Variants in MCPH1 observed in about 807,000 individuals in gnomAD.
MCPH1 encodes microcephalin.
Under a neutral mutation model 84.5 loss-of-function variants are expected in MCPH1, and 104 were observed. The ratio of observed to expected loss-of-function variants is 1.23; its 90% CI spans 1.05 to 1.45. The LOEUF (loss-of-function observed/expected upper bound fraction) is 1.45. Among genes scored for constraint, MCPH1 ranks in the 40% most tolerant of loss-of-function variants. The pLI, the probability that MCPH1 is intolerant of heterozygous loss-of-function variation, is 0.00. For synonymous variants in MCPH1, 514 were observed against 366.8 expected (o/e 1.40, Z -4.58); for missense variants, 1,498 against 1,005.7 (o/e 1.49, Z -6.62).
chr8:6,647,540 CA>C lies in MCPH1; in HGVS notation c.*4495del, dbSNP rs761493524. On this transcript the variant is annotated 3_prime_UTR_variant, in exon 14 of 14. Coordinates refer to ENST00000344683, the MANE Select transcript of MCPH1 (RefSeq NM_024596.5). ...GCCCATCAACTGAAAAGTAGATAAA[CA>C]AAATGTATATCCACACCATGGAACG... 1.3e-5 allele frequency: 2 copies of C among 152,128 alleles called. No individual in the cohort carries two copies. Among genetic ancestry groups the C allele is most frequent in the Non-Finnish European group, 2.9e-5 (2 of 68,016 alleles). The allele number at this position is 152,128 out of a possible 1,614,324, so 9.4% of individuals were successfully genotyped here. A position where few individuals can be genotyped will look rare whatever the true frequency, so the allele number is the denominator to read the frequency against.
At chr8:6,419,185 ACACGC>A (rs777272681) in intron 3 of MCPH1, among the ~76,000 whole-genome samples, 16,139 of 48,924 alleles carry the variant, frequency 0.33, 1,044 homozygotes, top group Non-Finnish European at 0.47. Flanking sequence ...ACACACACAC[ACACGC>A]ATTTTTACCC....
chr8:6,625,927 C>A (rs1256834968), intron 13 of MCPH1: 3 of 984,694 alleles, frequency 3.0e-6, no homozygotes, highest in Non-Finnish European at 3.6e-6. Flanking sequence ...TGAGAAGTTT[C>A]TTTTCTTTTC....
chr8:6,549,889 GA>G (rs1330680813), intron 12 of MCPH1, among the ~76,000 whole-genome samples: 1 of 152,192 alleles, frequency 6.6e-6, no homozygotes, highest in Non-Finnish European at 1.5e-5. Context: ...AAAAAGAAAA[GA>G]AAAGAAAAAG....
intron 2 of MCPH1, among the ~76,000 whole-genome samples, chr8:6,410,263 C>T (rs1318011311): frequency 2.0e-5 from 3 of 152,042 alleles, no homozygotes; most frequent in Admixed American, 6.5e-5. Flanking sequence ...CATGAGCCAC[C>T]GAGCCCGGCC....
At chr8:6,466,641 C>T (rs1000065761) in intron 9 of MCPH1, among the ~76,000 whole-genome samples, 6 of 151,558 alleles carry the variant, frequency 4.0e-5, no homozygotes, top group African/African-American at 1.5e-4. Context: ...AGGGTTTCAC[C>T]GTGTTGGCCA....
At chr8:6,503,128 G>T in intron 12 of MCPH1, 1 of 1,614,188 alleles carries the variant, frequency 6.2e-7, no homozygotes. Flanking sequence ...GGATCATCAT[G>T]GTTGTGGCCT....
intron 9 of MCPH1, among the ~76,000 whole-genome samples, chr8:6,460,005 A>G (rs909334043): frequency 3.9e-5 from 6 of 152,174 alleles, no homozygotes; most frequent in Admixed American, 1.3e-4. Flanking sequence ...GACTGCTCTC[A>G]TCTTTGGTTT....
intron 13 of MCPH1, among the ~76,000 whole-genome samples, chr8:6,640,367 T>C (rs969133574): frequency 1.2e-4 from 18 of 152,064 alleles, no homozygotes; most frequent in African/African-American, 3.9e-4. Context: ...CCATGTCCAG[T>C]ACTGGACATA....
At chr8:6,425,321 C>T (rs562107306) in intron 3 of MCPH1, among the ~76,000 whole-genome samples, 3 of 152,336 alleles carry the variant, frequency 2.0e-5, no homozygotes, top group African/African-American at 7.2e-5. Flanking sequence ...TATCATTTTA[C>T]ATTTCTGAAG....
At chr8:6,608,224 G>T (rs1025345530) in intron 12 of MCPH1, among the ~76,000 whole-genome samples, 5 of 152,218 alleles carry the variant, frequency 3.3e-5, no homozygotes, top group African/African-American at 1.2e-4. Flanking sequence ...AACAATGCCA[G>T]GCCTCACCTG....
intron 2 of MCPH1, among the ~76,000 whole-genome samples, chr8:6,414,102 C>A (rs1323578958): frequency 6.6e-6 from 1 of 152,062 alleles, no homozygotes; most frequent in Admixed American, 6.5e-5. Context: ...AATGATTGCA[C>A]TTATTTTCAA....
intron 9 of MCPH1, chr8:6,473,837 A>G (rs900982762): frequency 8.6e-6 from 12 of 1,389,844 alleles, no homozygotes; most frequent in Middle Eastern, 1.9e-4. Flanking sequence ...AGCTAGCCTT[A>G]TAAGTCAAGA....
rs972104608 is a variant in MCPH1, at chr8:6,645,942, C to T, written c.*2893C>T. ...ATGCAATATTGTTAAGATGATAGTCCTCAAATTGACGTATAGATTCAATGC... is the reference window on the plus strand; with the variant it reads ...ATGCAATATTGTTAAGATGATAGTCTTCAAATTGACGTATAGATTCAATGC... On this transcript the variant is annotated 3_prime_UTR_variant, in exon 14 of 14. Transcript: ENST00000344683. The T allele has an allele frequency of 2.6e-4, 39 of 152,086 alleles. No individual in the cohort carries two copies. The highest frequency in any genetic ancestry group is 9.4e-4 in the African/African-American group (39 of 41,394). 9.4% of individuals were successfully genotyped at this position (152,086 alleles called of 1,614,324 possible). A position where few individuals can be genotyped will look rare whatever the true frequency, so the allele number is the denominator to read the frequency against.
At chr8:6,494,712 A>C (rs1811052070) in intron 11 of MCPH1, among the ~76,000 whole-genome samples, 1 of 152,296 alleles carries the variant, frequency 6.6e-6, no homozygotes, top group African/African-American at 2.4e-5. Flanking sequence ...ATAGAATAGA[A>C]AACTAATTAG....
chr8:6,512,365 G>A (rs942413165), intron 12 of MCPH1, among the ~76,000 whole-genome samples: 7 of 152,176 alleles, frequency 4.6e-5, no homozygotes, highest in African/African-American at 1.7e-4. Context: ...GACTGTTCAG[G>A]TCGTGGAGCG....
chr8:6,633,376 C>T (rs1348494029), intron 13 of MCPH1, among the ~76,000 whole-genome samples: 1 of 152,120 alleles, frequency 6.6e-6, no homozygotes, highest in African/African-American at 2.4e-5. Flanking sequence ...CATTTGTATA[C>T]CCAATGATAA....
intron 12 of MCPH1, among the ~76,000 whole-genome samples, chr8:6,524,370 G>C (rs188117902): frequency 6.6e-6 from 1 of 152,144 alleles, no homozygotes; most frequent in East Asian, 1.9e-4. Context: ...GCTTTTCTGC[G>C]AAGGCATATG....
At chr8:6,451,225 G>C (rs532622271) in intron 8 of MCPH1, among the ~76,000 whole-genome samples, 1 of 152,324 alleles carries the variant, frequency 6.6e-6, no homozygotes, top group East Asian at 1.9e-4. Context: ...GCAACTTGAT[G>C]TGGGTTAGTC....
rs567126812 is a variant in MCPH1 at position 6,615,032 on chromosome 8, G to A, written c.2215-6422G>A. On this transcript the variant is annotated intron_variant, in intron 12 of 13. Coordinates refer to ENST00000344683, the MANE Select transcript of MCPH1 (RefSeq NM_024596.5). ...GGTTTCTAAGGTCCCCAGTAACCAC[G>A]CTCACACTGCGTAAGCACGAACGGT... is the stretch of plus-strand genomic sequence containing the variant. Among the ~76,000 whole-genome samples the A allele has an allele frequency of 1.6e-4, 25 of 152,270 alleles. No homozygotes were observed. In the South Asian group the frequency reaches 5.2e-3, roughly 32 times the overall value.
Sources: allele counts gnomAD v4.1 joint callset (sites outside exome capture counted in the v4.1 genomes callset), GRCh38; gene constraint gnomAD v4.1.1; transcripts MANE v1.5; gene names NCBI Gene and HGNC (gene_info 2026-07-23, HGNC 2026-07-21).